RALYL: variants seen among roughly 807,000 people sequenced by gnomAD.
RALYL encodes the protein RNA-binding Raly-like protein.
A neutral mutation model predicts 35.1 loss-of-function variants in RALYL; 29 were observed. That is an observed-to-expected ratio of 0.83 (90% CI 0.61 to 1.13). The LOEUF is 1.13. Ranked by LOEUF, RALYL falls within the 50% of genes most tolerant of loss-of-function variation. RALYL has a pLI of 0.00. For synonymous variants in RALYL, 120 were observed against 127.6 expected (o/e 0.94, Z 0.40); for missense variants, 359 against 360.4 (o/e 1.00, Z 0.03).
At chr8:84,533,756 G>T (rs2059417962) in intron 2 of RALYL, among the ~76,000 whole-genome samples, 1 of 152,088 alleles carries the variant, frequency 6.6e-6, no homozygotes, top group Admixed American at 6.5e-5. Context: ...TTCAAAGTGG[G>T]AACATGATGA....
intron 1 of RALYL, among the ~76,000 whole-genome samples, chr8:84,508,214 A>G (rs1304447405): frequency 6.6e-6 from 1 of 152,232 alleles, no homozygotes; most frequent in East Asian, 1.9e-4. Flanking sequence ...AAAAAATAAG[A>G]TCTCTAATTT....
intron 1 of RALYL, among the ~76,000 whole-genome samples, chr8:84,198,141 T>A (rs953869785): frequency 1.3e-5 from 2 of 152,164 alleles, no homozygotes. Context: ...TCACTACAAT[T>A]CATGACAATT....
intron 1 of RALYL, among the ~76,000 whole-genome samples, chr8:84,469,745 C>T (rs1046770330): frequency 3.3e-5 from 5 of 152,194 alleles, no homozygotes; most frequent in African/African-American, 9.6e-5. Context: ...AGCCTAGCTG[C>T]CCCCTTGCAG....
intron 1 of RALYL, among the ~76,000 whole-genome samples, chr8:84,456,223 C>T (rs2050117257): frequency 6.6e-6 from 1 of 151,964 alleles, no homozygotes; most frequent in African/African-American, 2.4e-5. Flanking sequence ...GCAGGATCCC[C>T]CAAAAGTTTT....
chr8:84,261,193 G>A (rs1428483300), intron 1 of RALYL, among the ~76,000 whole-genome samples: 1 of 151,448 alleles, frequency 6.6e-6, no homozygotes, highest in Non-Finnish European at 1.5e-5. Flanking sequence ...AAAAATATCT[G>A]ATTTAGTTAT....
chr8:84,650,195 G>T (rs2131505286), intron 2 of RALYL, among the ~76,000 whole-genome samples: 1 of 152,018 alleles, frequency 6.6e-6, no homozygotes, highest in Non-Finnish European at 1.5e-5. Flanking sequence ...AGACAATGGG[G>T]TTTTCTAGAT....
At chr8:84,736,008 C>A (rs141263655) in intron 2 of RALYL, among the ~76,000 whole-genome samples, 1 of 152,034 alleles carries the variant, frequency 6.6e-6, no homozygotes, top group African/African-American at 2.4e-5. Context: ...CTAAGATATT[C>A]TCCCAGAACT....
intron 2 of RALYL, among the ~76,000 whole-genome samples, chr8:84,656,572 T>C (rs1416680975): frequency 6.6e-6 from 1 of 152,122 alleles, no homozygotes; most frequent in East Asian, 1.9e-4. Context: ...GTTTGGTAAA[T>C]AGTGAGCATT....
chr8:84,439,324 A>G (rs1231809538), intron 1 of RALYL, among the ~76,000 whole-genome samples: 1 of 152,068 alleles, frequency 6.6e-6, no homozygotes, highest in Non-Finnish European at 1.5e-5. Context: ...TTTTTATTCC[A>G]GCTTGCTCCC....
intron 1 of RALYL, among the ~76,000 whole-genome samples, chr8:84,349,084 G>A (rs1279942315): frequency 6.7e-6 from 1 of 149,980 alleles, no homozygotes; most frequent in African/African-American, 2.5e-5. Flanking sequence ...CGAGGTCCAG[G>A]GAACAGCCAT....
chr8:84,773,615 C>A (rs1586142747), intron 2 of RALYL, among the ~76,000 whole-genome samples: 1 of 152,156 alleles, frequency 6.6e-6, no homozygotes, highest in East Asian at 1.9e-4. Flanking sequence ...TTTTGTGTAT[C>A]CCAGAGACAA....
At chr8:84,867,211 A>C (rs568496288) in intron 6 of RALYL, among the ~76,000 whole-genome samples, 1 of 152,170 alleles carries the variant, frequency 6.6e-6, no homozygotes, top group Non-Finnish European at 1.5e-5. Context: ...TATAAGGACA[A>C]GTTTAGACCC....
intron 1 of RALYL, among the ~76,000 whole-genome samples, chr8:84,282,753 T>C (rs981949487): frequency 1.0e-4 from 5 of 48,740 alleles, no homozygotes; most frequent in Admixed American, 2.6e-4. Context: ...TATGCGTGTG[T>C]GTGTGTGTGT....
chr8:84,421,880 G>T (rs2132413737), intron 1 of RALYL, among the ~76,000 whole-genome samples: 1 of 149,208 alleles, frequency 6.7e-6, no homozygotes, highest in East Asian at 2.0e-4. Flanking sequence ...AACCAGCCTT[G>T]CATCCCAGGG....
chr8:84,446,606 A>T (rs1563945687), intron 1 of RALYL, among the ~76,000 whole-genome samples: 2 of 152,108 alleles, frequency 1.3e-5, no homozygotes, highest in Non-Finnish European at 2.9e-5. Flanking sequence ...TATTCTCTGC[A>T]TGAACACATC....
chr8:84,430,470 A>T (rs555106314), intron 1 of RALYL, among the ~76,000 whole-genome samples: 1 of 152,258 alleles, frequency 6.6e-6, no homozygotes, highest in East Asian at 1.9e-4. Context: ...AAAGAAAGTC[A>T]CTCACAAAGT....
chr8:84,651,549 A>C (rs1226176755), intron 2 of RALYL, among the ~76,000 whole-genome samples: 1 of 152,022 alleles, frequency 6.6e-6, no homozygotes, highest in East Asian at 1.9e-4. Flanking sequence ...CCATAGAATA[A>C]ACACAGCATT....
intron 2 of RALYL, among the ~76,000 whole-genome samples, chr8:84,611,806 T>C (rs1818370078): frequency 6.6e-6 from 1 of 152,100 alleles, no homozygotes. Context: ...ACTGTAGTAA[T>C]GTTGTAATAT....
At chr8:84,393,259 C>T (rs1861105047) in intron 1 of RALYL, among the ~76,000 whole-genome samples, 1 of 152,012 alleles carries the variant, frequency 6.6e-6, no homozygotes, top group African/African-American at 2.4e-5. Context: ...CCCACGCTCA[C>T]TTACATAGTC....
Sources: allele counts gnomAD v4.1 joint callset (sites outside exome capture counted in the v4.1 genomes callset), GRCh38; gene constraint gnomAD v4.1.1; transcripts MANE v1.5; gene names NCBI Gene and HGNC (gene_info 2026-07-23, HGNC 2026-07-21).